Variants in COG2 observed in about 807,000 individuals in gnomAD.
COG2 encodes the protein component of oligomeric golgi complex 2, also known as conserved oligomeric Golgi complex subunit 2.
COG2 carries 52 observed loss-of-function variants against 90.6 expected under a neutral mutation model. The observed-to-expected ratio is 0.57, with a 90% CI of 0.46 to 0.72. The LOEUF (loss-of-function observed/expected upper bound fraction) is 0.72, where lower values mean the gene tolerates loss of function less well. Ranked by LOEUF, COG2 falls within the 30% of genes least tolerant of loss-of-function variation. The pLI is 0.00. For synonymous variants in COG2, 337 were observed against 320.4 expected (o/e 1.05, Z -0.55); for missense variants, 829 against 891.2 (o/e 0.93, Z 0.89).
chr1:230,675,655 A>G (rs990697368), intron 9 of COG2, among the ~76,000 whole-genome samples: 10 of 152,112 alleles, frequency 6.6e-5, no homozygotes, highest in Admixed American at 2.6e-4. Context: ...TACTATTACT[A>G]TTTTTGAAAC....
chr1:230,691,726 C>G (rs1242629476), intron 17 of COG2, 162 bp downstream of exon 17: 7 of 635,626 alleles, frequency 1.1e-5, no homozygotes, highest in Non-Finnish European at 1.9e-5. Flanking sequence ...TTACTTTGCC[C>G]CTAGGCAGTA....
chr1:230,662,258 C>T (rs1034320338), intron 3 of COG2, among the ~76,000 whole-genome samples: 1 of 152,096 alleles, frequency 6.6e-6, no homozygotes, highest in African/African-American at 2.4e-5. Context: ...TTTTGGCTTC[C>T]AACTCATGAA....
In COG2 at chr1:230,660,842, A is replaced by G; in HGVS notation, c.300+19A>G. 2 of 1,532,642 alleles carry G rather than the reference A, an allele frequency of 1.3e-6. No homozygotes were observed. Among genetic ancestry groups the G allele is most frequent in the Non-Finnish European group, 8.8e-7 (1 of 1,131,122 alleles). The allele number at this position is 1,532,642 out of a possible 1,614,324, so 94.9% of individuals were successfully genotyped here. A position where few individuals can be genotyped will look rare whatever the true frequency, so the allele number is the denominator to read the frequency against. ...GGTTCTGGTAAGTTTCCCGAATAAC[A>G]TCAAACAGTTTACCCTAAAGCATGA... On this transcript the variant is annotated intron_variant, in intron 3 of 17. Transcript: ENST00000366669.
intron 14 of COG2, 94 bp downstream of exon 14, chr1:230,688,237 G>A (rs1662932847): frequency 1.7e-6 from 2 of 1,195,560 alleles, no homozygotes; most frequent in East Asian, 2.5e-5. Context: ...ATTTTCTTCT[G>A]TAGTTGTAAA....
At chr1:230,661,916 T>C (rs943097088) in intron 3 of COG2, among the ~76,000 whole-genome samples, 1 of 152,180 alleles carries the variant, frequency 6.6e-6, no homozygotes, top group African/African-American at 2.4e-5. Context: ...GGGTGGCTTT[T>C]ACATGGCTCT....
chr1:230,648,060 C>T (rs72759020), intron 1 of COG2, among the ~76,000 whole-genome samples: 484 of 152,318 alleles, frequency 3.2e-3, no homozygotes, highest in Non-Finnish European at 5.4e-3. Context: ...GAAAAATAAT[C>T]GTGTCATGCT....
intron 7 of COG2, chr1:230,671,236 A>G (rs1393305232): frequency 5.2e-6 from 1 of 190,888 alleles, no homozygotes; most frequent in Admixed American, 6.0e-5. Flanking sequence ...ATCTTTTTTT[A>G]AAAGTTGTTA....
At chr1:230,682,078 A>G (rs565264597) in intron 10 of COG2, 78 of 152,350 alleles carry the variant, frequency 5.1e-4, no homozygotes, top group African/African-American at 1.9e-3. Context: ...TCAAGCTTCC[A>G]CATTAATACT....
chr1:230,677,669 C>A (rs1314939926), intron 9 of COG2, among the ~76,000 whole-genome samples: 1 of 152,148 alleles, frequency 6.6e-6, no homozygotes, highest in Non-Finnish European at 1.5e-5. Context: ...TTTAGAGACT[C>A]GTATTGACCA....
At chr1:230,689,109 T>G (rs776388392) in intron 15 of COG2, among the ~76,000 whole-genome samples, 1 of 152,096 alleles carries the variant, frequency 6.6e-6, no homozygotes, top group Non-Finnish European at 1.5e-5. Context: ...GGCAGGAGGA[T>G]TGCTTAAACC....
At position 230,659,752 on chromosome 1, in the gene COG2, C is replaced by T. The variant is rs997082067; in HGVS notation, c.234+127C>T. The T allele has an allele frequency of 4.6e-5, 41 of 882,044 alleles. No individual in the cohort carries two copies. In the Admixed American group the frequency reaches 7.2e-4, roughly 15 times the overall value. 54.6% of individuals were successfully genotyped at this position (882,044 alleles called of 1,614,324 possible). A position where few individuals can be genotyped will look rare whatever the true frequency, so the allele number is the denominator to read the frequency against. On this transcript the variant is annotated intron_variant, in intron 2 of 17. Transcript: ENST00000366669. ...TGTCCTCACAGAAATTTGAAGAGATCCCTAATGTCATCAATAAAATAACCA... is the reference window on the plus strand; with the variant it reads ...TGTCCTCACAGAAATTTGAAGAGATTCCTAATGTCATCAATAAAATAACCA...
intron 13 of COG2, 40 bp downstream of exon 13, chr1:230,687,172 A>G: frequency 6.4e-7 from 1 of 1,560,510 alleles, no homozygotes; most frequent in South Asian, 1.2e-5. Context: ...TGCTTGGTTT[A>G]ATGTTTTCAC....
At chr1:230,689,541 C>T (rs1427150855) in intron 15 of COG2, among the ~76,000 whole-genome samples, 2 of 152,224 alleles carry the variant, frequency 1.3e-5, no homozygotes, top group East Asian at 3.8e-4. Flanking sequence ...ACATTCCTGA[C>T]CCTGTATCCT....
At chr1:230,644,571 A>C (rs1661714368) in intron 1 of COG2, among the ~76,000 whole-genome samples, 1 of 151,918 alleles carries the variant, frequency 6.6e-6, no homozygotes, top group African/African-American at 2.4e-5. Flanking sequence ...CTTGAAATCC[A>C]CTCTCTTCTG....
At position 230,675,083 on chromosome 1, in the gene COG2, C is replaced by T. The variant is rs1662551897; in HGVS notation, c.985C>T (p.Pro329Ser). The change falls in exon 9 of 18, where the codon CCC becomes TCC. Residue 329 changes from proline (P) to serine (S), a missense_variant. By Grantham distance (74) the Pro-to-Ser change is moderately conservative (BLOSUM62 -1). Transcript: ENST00000366669. ...AGTACAAGGATTAGAAGAAAAGTTA[C>T]CCTCGCTTTTTAATCCTGGGAATCC... ...QIVQGLEEKLPSLFNPGNPDA... is the reference protein window; with the variant it reads ...QIVQGLEEKLSSLFNPGNPDA... The T allele has an allele frequency of 6.2e-7, 1 of 1,612,334 alleles. No homozygotes were observed. The highest frequency in any genetic ancestry group is 8.5e-7 in the Non-Finnish European group (1 of 1,179,226).
chr1:230,675,175 G>C (rs1416234617), intron 9 of COG2, 51 bp downstream of exon 9: 3 of 1,571,742 alleles, frequency 1.9e-6, no homozygotes, highest in Non-Finnish European at 2.6e-6. Flanking sequence ...CCGGAGACTG[G>C]AGAAATATCA....
intron 16 of COG2, chr1:230,690,377 C>T (rs886739261): frequency 2.3e-5 from 10 of 444,434 alleles, no homozygotes; most frequent in African/African-American, 4.1e-5. Flanking sequence ...GCCTCGGGGC[C>T]GGGCCATGTG....
At position 230,691,163 on chromosome 1, in the gene COG2, A is replaced by G. The variant is rs41314298; in HGVS notation, c.1935-221A>G. On this transcript the variant is annotated intron_variant, in intron 16 of 17. Coordinates refer to ENST00000366669, the MANE Select transcript of COG2 (RefSeq NM_007357.3). ...TGCTATGTTAGACACTTAAGACCAT[A>G]TGTGTGTGTGTGTATATATATATAC... Among the ~76,000 whole-genome samples, 290 of 149,564 alleles carry G rather than the reference A, an allele frequency of 1.9e-3. 3 individuals are homozygous for G. Among genetic ancestry groups the G allele is most frequent in the Non-Finnish European group, 3.4e-3 (234 of 67,884 alleles).
intron 3 of COG2, among the ~76,000 whole-genome samples, chr1:230,662,083 G>T (rs975799133): frequency 4.0e-5 from 6 of 151,874 alleles, no homozygotes; most frequent in African/African-American, 1.2e-4. Flanking sequence ...CATGGAGGTG[G>T]ATTCACTCTC....
Sources: gnomAD v4.1 joint callset for allele counts (sites outside exome capture counted in the v4.1 genomes callset) on GRCh38, gnomAD v4.1.1 for gene constraint, MANE v1.5 for transcripts, NCBI Gene and HGNC (gene_info 2026-07-23, HGNC 2026-07-21) for gene names.